Variants in CHST15 observed in about 807,000 individuals in gnomAD.
The protein encoded by CHST15 is carbohydrate sulfotransferase 15.
Under a neutral mutation model 53.6 loss-of-function variants are expected in CHST15, and 30 were observed. That is an observed-to-expected ratio of 0.56 (90% CI 0.42 to 0.76). The LOEUF is 0.76. CHST15 is among the 30% of genes least tolerant of loss of function. The pLI, the probability that CHST15 is intolerant of heterozygous loss-of-function variation, is 0.00. For synonymous variants in CHST15, 296 were observed against 289.8 expected, an observed-to-expected ratio of 1.02 and a Z score of -0.22; for missense variants, 627 against 740.5, an observed-to-expected ratio of 0.85 and a Z score of 1.78.
At chr10:124,052,611 TG>T in intron 1 of CHST15, among the ~76,000 whole-genome samples, 1 of 152,358 alleles carries the variant, frequency 6.6e-6, no homozygotes, top group Non-Finnish European at 1.5e-5. Context: ...TGCCCAGGTT[TG>T]ATCTTGAACA....
intron 1 of CHST15, among the ~76,000 whole-genome samples, chr10:124,065,181 C>T (rs1948716916): frequency 6.6e-6 from 1 of 152,058 alleles, no homozygotes; most frequent in African/African-American, 2.4e-5. Context: ...CCCAGGAGTT[C>T]AAGACCAGCC....
chr10:124,089,923 T>C (rs539481828), intron 1 of CHST15, among the ~76,000 whole-genome samples: 4 of 152,344 alleles, frequency 2.6e-5, no homozygotes, highest in African/African-American at 9.6e-5. Flanking sequence ...AAAAGGTTCA[T>C]GCAGATGACT....
At chr10:124,076,693 C>G (rs530959425) in intron 1 of CHST15, among the ~76,000 whole-genome samples, 25 of 151,050 alleles carry the variant, frequency 1.7e-4, no homozygotes, top group African/African-American at 6.1e-4. Context: ...TCTGCTTTCC[C>G]TATTTTTAAA....
chr10:124,051,419 A>G (rs1948192325), intron 1 of CHST15, among the ~76,000 whole-genome samples: 2 of 152,216 alleles, frequency 1.3e-5, no homozygotes, highest in African/African-American at 2.4e-5. Context: ...TCCGTAGGCC[A>G]CAAATTATCC....
intron 3 of CHST15, among the ~76,000 whole-genome samples, chr10:124,043,186 T>C (rs1947805613): frequency 6.6e-6 from 1 of 151,502 alleles, no homozygotes; most frequent in African/African-American, 2.4e-5. Context: ...TAACAAGAGG[T>C]TCAAGGTGAC....
At position 124,019,455 on chromosome 10, in the gene CHST15, G is replaced by A. The variant is rs1323029502; in HGVS notation, c.1347+1801C>T. Among the ~76,000 whole-genome samples, 1 of 152,112 alleles carries A rather than the reference G, an allele frequency of 6.6e-6. No homozygotes were observed. Among genetic ancestry groups the A allele is most frequent in the Admixed American group, 6.5e-5 (1 of 15,286 alleles). ...AGCCACACACAAATAGAGTTTCTCC[G>A]AGACCCTGTGTCCCCTGTGACGGTG... On this transcript the variant is annotated intron_variant, in intron 6 of 7. Coordinates refer to ENST00000435907, the MANE Select transcript of CHST15 (RefSeq NM_001270764.2). This position sits in a 1 kb window ranked among gnomAD's most constrained non-coding sequence, Gnocchi z 4.6.
chr10:124,079,605 G>A (rs879671563), intron 1 of CHST15, among the ~76,000 whole-genome samples: 7 of 152,192 alleles, frequency 4.6e-5, no homozygotes, highest in East Asian at 1.9e-4. Context: ...CCACTCCCTC[G>A]CAGGTAGGGA....
At chr10:124,082,014 T>C (rs1396785271) in intron 1 of CHST15, among the ~76,000 whole-genome samples, 1 of 152,168 alleles carries the variant, frequency 6.6e-6, no homozygotes, top group Non-Finnish European at 1.5e-5. Context: ...ACTAGAAAGA[T>C]GCTGGCGCCA....
Position 124,024,571 on chromosome 10 carries a change from C to T in CHST15, c.1191-3159G>A, listed in dbSNP as rs1054202291. 3.9e-5 allele frequency among the ~76,000 whole-genome samples: 6 copies of T among 152,308 alleles called. No homozygotes were observed. In the South Asian group the frequency reaches 8.3e-4, roughly 21 times the overall value. On this transcript the variant is annotated intron_variant, in intron 5 of 7. Coordinates refer to ENST00000435907, the MANE Select transcript of CHST15 (RefSeq NM_001270764.2). This position sits in a 1 kb window ranked among gnomAD's most constrained non-coding sequence, Gnocchi z 4.0. ...GAGTAGATTTCCCCAGATCCACACT[C>T]GCCTGAGAATATTCCCCAAGACAAC... is the stretch of plus-strand genomic sequence containing the variant.
At position 124,036,182 on chromosome 10, in the gene CHST15, C is replaced by T. The variant is rs73367691; in HGVS notation, c.1190+2333G>A. Among the ~76,000 whole-genome samples the T allele has an allele frequency of 0.03, 4,569 of 152,226 alleles. 229 individuals are homozygous for T. Among genetic ancestry groups the T allele is most frequent in the African/African-American group, 0.097 (4,044 of 41,518 alleles). On this transcript the variant is annotated intron_variant, in intron 5 of 7. Transcript: ENST00000435907. This position sits in a 1 kb window ranked among gnomAD's most constrained non-coding sequence, Gnocchi z 5.1. Reference sequence around the variant, plus strand: ...GCAGCTATGCAAACACCTCCGGGGGCGGCGAGGGGTCAGCTCGAGGTGACA... The same window carrying T: ...GCAGCTATGCAAACACCTCCGGGGGTGGCGAGGGGTCAGCTCGAGGTGACA...
intron 5 of CHST15, among the ~76,000 whole-genome samples, chr10:124,031,203 C>G (rs377630539): frequency 2.0e-5 from 3 of 152,228 alleles, no homozygotes; most frequent in Non-Finnish European, 4.4e-5. Flanking sequence ...TGAAGCCTGG[C>G]CCTACTCCCT....
chr10:124,060,098 G>C (rs1948508769), intron 1 of CHST15, among the ~76,000 whole-genome samples: 1 of 152,056 alleles, frequency 6.6e-6, no homozygotes, highest in African/African-American at 2.4e-5. Context: ...GTGCAGAGGT[G>C]TGCCAGCCCC....
At chr10:124,070,671 G>A (rs1040688989) in intron 1 of CHST15, among the ~76,000 whole-genome samples, 10 of 152,202 alleles carry the variant, frequency 6.6e-5, no homozygotes, top group South Asian at 6.2e-4. Context: ...CATTGTGCCC[G>A]GCCCTCAATA....
intron 5 of CHST15, among the ~76,000 whole-genome samples, chr10:124,026,614 A>G (rs1947022028): frequency 1.3e-5 from 2 of 152,236 alleles, no homozygotes; most frequent in Admixed American, 6.5e-5. Context: ...CTCACGATCA[A>G]TCATCACAGA....
chr10:124,010,069 C>A lies in CHST15; in HGVS notation c.*80G>T, dbSNP rs769480499. The A allele has an allele frequency of 5.1e-5, 82 of 1,605,870 alleles. No homozygotes were observed. Among genetic ancestry groups the A allele is most frequent in the Non-Finnish European group, 6.9e-5 (81 of 1,176,720 alleles). Reference sequence around the variant, plus strand: ...GGGGTTTTCCATACCATGAGTGAAACAGTTCCCCGCAAAGAGATTTGTAAA... The same window carrying A: ...GGGGTTTTCCATACCATGAGTGAAAAAGTTCCCCGCAAAGAGATTTGTAAA... On this transcript the variant is annotated 3_prime_UTR_variant, in exon 8 of 8. Transcript: ENST00000435907.
chr10:124,025,583 G>A (rs1946968547), intron 5 of CHST15, among the ~76,000 whole-genome samples: 1 of 152,220 alleles, frequency 6.6e-6, no homozygotes, highest in Non-Finnish European at 1.5e-5. Context: ...CCACCATCTG[G>A]ATTCCGTAGT....
intron 5 of CHST15, among the ~76,000 whole-genome samples, chr10:124,027,282 A>G (rs543879945): frequency 1.3e-5 from 2 of 152,108 alleles, no homozygotes; most frequent in African/African-American, 4.8e-5. Context: ...TGGGAAATGT[A>G]TGTTAGGGGG....
At chr10:124,073,496 G>T (rs552494663) in intron 1 of CHST15, among the ~76,000 whole-genome samples, 1 of 152,332 alleles carries the variant, frequency 6.6e-6, no homozygotes, top group African/African-American at 2.4e-5. Context: ...TTGCATAGGT[G>T]AGTTCTGTTT....
chr10:124,063,053 AAG>A lies in CHST15; in HGVS notation c.-512-16331_-512-16330del, dbSNP rs552448816. ...GGTCCCACCAAGACACCAGGAGGCA[AAG>A]AGAGAGAGATCCAGACAAGAAACTA... On this transcript the variant is annotated intron_variant, in intron 1 of 7. Transcript: ENST00000435907. Among the ~76,000 whole-genome samples the A allele has an allele frequency of 3.3e-3, 506 of 152,054 alleles. 2 individuals carry two copies. The highest frequency in any genetic ancestry group is 5.6e-3 in the Admixed American group (86 of 15,278).
Sources: allele counts gnomAD v4.1 joint callset (sites outside exome capture counted in the v4.1 genomes callset), GRCh38; gene constraint gnomAD v4.1.1; non-coding constraint Gnocchi (gnomAD v3.1); transcripts MANE v1.5; gene names NCBI Gene and HGNC (gene_info 2026-07-23, HGNC 2026-07-21).